BANK1: variants seen among roughly 807,000 people sequenced by gnomAD.
BANK1 encodes B cell scaffold protein with ankyrin repeats 1.
In BANK1, 95 loss-of-function variants were observed where a neutral mutation model predicts 94.5. That is an observed-to-expected ratio of 1.00 (90% CI 0.85 to 1.19). The LOEUF (loss-of-function observed/expected upper bound fraction) is 1.19, where lower values mean the gene tolerates loss of function less well. BANK1 is among the 50% of genes most tolerant of loss of function. BANK1 has a pLI of 0.00. For synonymous variants in BANK1, 334 were observed against 308.4 expected (o/e 1.08, Z -0.87); for missense variants, 987 against 932.2 (o/e 1.06, Z -0.77).
chr4:101,959,846 T>C (rs1246423934), intron 7 of BANK1, among the ~76,000 whole-genome samples: 3 of 152,192 alleles, frequency 2.0e-5, no homozygotes, highest in Non-Finnish European at 4.4e-5. Flanking sequence ...TAAAAAATCA[T>C]GAATTATGGT....
chr4:101,960,219 G>A (rs1205495504), intron 7 of BANK1, among the ~76,000 whole-genome samples: 1 of 152,154 alleles, frequency 6.6e-6, no homozygotes, highest in Non-Finnish European at 1.5e-5. Flanking sequence ...TGGGTGCACA[G>A]CACTATATTC....
intron 7 of BANK1, among the ~76,000 whole-genome samples, chr4:101,959,928 G>T (rs55850377): frequency 0.38 from 57,720 of 152,042 alleles, 11,981 homozygotes; most frequent in South Asian, 0.53. Flanking sequence ...TTTAGAAAAT[G>T]TGGTCATTAC....
At chr4:101,897,461 G>T (rs1304778283) in intron 6 of BANK1, among the ~76,000 whole-genome samples, 1 of 151,882 alleles carries the variant, frequency 6.6e-6, no homozygotes, top group Non-Finnish European at 1.5e-5. Flanking sequence ...GACAATTGTG[G>T]CCCCTTATTT....
At chr4:102,026,329 A>G (rs78546088) in intron 9 of BANK1, among the ~76,000 whole-genome samples, 38,521 of 151,806 alleles carry the variant, frequency 0.25, 4,986 homozygotes, top group South Asian at 0.32. Context: ...ATTTATATTT[A>G]TTTTCCAAAT....
intron 5 of BANK1, among the ~76,000 whole-genome samples, chr4:101,876,323 C>T (rs1312706130): frequency 2.0e-5 from 3 of 152,170 alleles, no homozygotes; most frequent in Non-Finnish European, 2.9e-5. Context: ...TAAAGGGAAC[C>T]TTGTCTATCC....
intron 1 of BANK1, among the ~76,000 whole-genome samples, chr4:101,796,939 C>T (rs193196205): frequency 7.8e-4 from 119 of 152,130 alleles, no homozygotes; most frequent in Middle Eastern, 3.4e-3. Context: ...TTATCTTCAA[C>T]TCCTCTGGTA....
chr4:101,952,726 T>A (rs1418268867), intron 7 of BANK1, among the ~76,000 whole-genome samples: 1 of 152,138 alleles, frequency 6.6e-6, no homozygotes, highest in Non-Finnish European at 1.5e-5. Context: ...AGGAGTCGTA[T>A]GCTGGGCATA....
chr4:101,961,195 T>G (rs1364685501), intron 7 of BANK1, among the ~76,000 whole-genome samples: 2 of 152,194 alleles, frequency 1.3e-5, no homozygotes, highest in Non-Finnish European at 2.9e-5. Context: ...TGAACAGAAT[T>G]ATATTGAGAT....
At chr4:102,047,938 T>G (rs1727936973) in intron 11 of BANK1, among the ~76,000 whole-genome samples, 1 of 152,110 alleles carries the variant, frequency 6.6e-6, no homozygotes, top group African/African-American at 2.4e-5. Flanking sequence ...GAGAGGGTGG[T>G]AAAGGGAAAC....
chr4:101,975,374 A>G (rs115734171), intron 7 of BANK1, among the ~76,000 whole-genome samples: 83 of 152,320 alleles, frequency 5.4e-4, no homozygotes, highest in African/African-American at 1.9e-3. Context: ...TATCTAAATT[A>G]TGCCCATCAT....
chr4:101,807,234 ACTTT>A (rs1725585560), intron 1 of BANK1, among the ~76,000 whole-genome samples: 1 of 152,170 alleles, frequency 6.6e-6, no homozygotes, highest in African/African-American at 2.4e-5. Flanking sequence ...TCTTAGACTG[ACTTT>A]CTTTTTTAGC....
At chr4:101,919,371 A>G (rs908312507) in intron 7 of BANK1, among the ~76,000 whole-genome samples, 5 of 152,000 alleles carry the variant, frequency 3.3e-5, no homozygotes, top group Admixed American at 1.3e-4. Context: ...CTCTCCAGTA[A>G]AGACTCAGCT....
intron 7 of BANK1, among the ~76,000 whole-genome samples, chr4:101,975,005 A>G (rs1404380373): frequency 6.6e-6 from 1 of 152,088 alleles, no homozygotes; most frequent in Non-Finnish European, 1.5e-5. Context: ...TGCTCATTGT[A>G]ACCTACAAGC....
At chr4:102,067,141 T>C (rs567598549) in intron 13 of BANK1, among the ~76,000 whole-genome samples, 2 of 151,636 alleles carry the variant, frequency 1.3e-5, no homozygotes, top group Non-Finnish European at 2.9e-5. Flanking sequence ...AGTTAAAAAA[T>C]AGATAAAAAG....
At chr4:101,882,775 C>A (rs1728724284) in intron 5 of BANK1, among the ~76,000 whole-genome samples, 1 of 152,110 alleles carries the variant, frequency 6.6e-6, no homozygotes, top group Admixed American at 6.5e-5. Flanking sequence ...CAAAAAAATT[C>A]TTAGATTGGG....
At chr4:101,844,472 G>A (rs750716901) in intron 2 of BANK1, among the ~76,000 whole-genome samples, 9 of 152,150 alleles carry the variant, frequency 5.9e-5, no homozygotes, top group Non-Finnish European at 1.3e-4. Context: ...CAAGTCTGCT[G>A]ACAAGGCCCA....
At chr4:101,839,278 C>T (rs1164643829) in intron 2 of BANK1, among the ~76,000 whole-genome samples, 3 of 152,062 alleles carry the variant, frequency 2.0e-5, no homozygotes, top group Non-Finnish European at 4.4e-5. Flanking sequence ...GTTGAAATTA[C>T]ATGGTTTTTT....
chr4:101,997,024 G>A (rs2148934663), intron 7 of BANK1, among the ~76,000 whole-genome samples: 1 of 152,246 alleles, frequency 6.6e-6, no homozygotes. Context: ...CAAAGGGAAT[G>A]CTTCCAGCTT....
chr4:101,807,744 A>G (rs949272443), intron 1 of BANK1, among the ~76,000 whole-genome samples: 1 of 152,052 alleles, frequency 6.6e-6, no homozygotes, highest in Non-Finnish European at 1.5e-5. Flanking sequence ...AAGGTTCATT[A>G]TTTGCTTCAG....
Sources: allele counts gnomAD v4.1 joint callset (sites outside exome capture counted in the v4.1 genomes callset), GRCh38; gene constraint gnomAD v4.1.1; transcripts MANE v1.5; gene names NCBI Gene and HGNC (gene_info 2026-07-23, HGNC 2026-07-21).